The following MYO3A variants were observed in gnomAD, a reference collection of about 807,000 sequenced individuals.
The protein encoded by MYO3A is myosin IIIA, also known as myosin-IIIa.
A neutral mutation model predicts 192.7 loss-of-function variants in MYO3A; 180 were observed. The ratio of observed to expected loss-of-function variants is 0.93; its 90% CI spans 0.83 to 1.06. The LOEUF is 1.06. MYO3A is among the 50% of genes least tolerant of loss of function. The probability of loss-of-function intolerance (pLI) is 0.00; values close to 1 mark genes in which losing one functional copy is unlikely to be tolerated. For missense variants in MYO3A, 1,896 were observed against 1,905.0 expected, an observed-to-expected ratio of 1.00 and a Z score of 0.09; for synonymous variants, 628 against 645.3, an observed-to-expected ratio of 0.97 and a Z score of 0.41.
At chr10:26,003,469 C>T (rs968618324) in intron 6 of MYO3A, among the ~76,000 whole-genome samples, 5 of 152,084 alleles carry the variant, frequency 3.3e-5, no homozygotes, top group African/African-American at 7.2e-5. Context: ...ATTATGAATA[C>T]GGCCTTTAAG....
At chr10:26,169,564 G>C (rs1030687134) in intron 28 of MYO3A, among the ~76,000 whole-genome samples, 2 of 152,112 alleles carry the variant, frequency 1.3e-5, no homozygotes, top group Non-Finnish European at 2.9e-5. Flanking sequence ...TTAGATGCTA[G>C]ATTTGGCCTA....
intron 23 of MYO3A, among the ~76,000 whole-genome samples, chr10:26,148,134 T>A (rs1381717399): frequency 6.6e-6 from 1 of 152,218 alleles, no homozygotes; most frequent in African/African-American, 2.4e-5. Context: ...TTGACATATA[T>A]AAGCACCTGT....
chr10:26,126,522 G>A (rs965567480), intron 19 of MYO3A, among the ~76,000 whole-genome samples: 1 of 151,950 alleles, frequency 6.6e-6, no homozygotes, highest in Non-Finnish European at 1.5e-5. Flanking sequence ...AATTGCTTGT[G>A]TACCTCCTGG....
At chr10:25,943,472 T>C (rs1010724463) in intron 2 of MYO3A, among the ~76,000 whole-genome samples, 2 of 152,152 alleles carry the variant, frequency 1.3e-5, no homozygotes, top group Non-Finnish European at 2.9e-5. Context: ...TTGGGAAATA[T>C]TGACATTTAA....
chr10:26,181,114 A>G (rs1842600247), intron 31 of MYO3A, among the ~76,000 whole-genome samples: 1 of 152,182 alleles, frequency 6.6e-6, no homozygotes, highest in South Asian at 2.1e-4. Flanking sequence ...GTCATTTACA[A>G]AAAGATACAT....
intron 4 of MYO3A, among the ~76,000 whole-genome samples, chr10:25,978,603 A>C (rs1839105537): frequency 6.6e-6 from 1 of 152,174 alleles, no homozygotes; most frequent in Non-Finnish European, 1.5e-5. Flanking sequence ...TATCAAATGA[A>C]GTCATATACC....
At position 26,143,453 on chromosome 10, in the gene MYO3A, A is replaced by G; in HGVS notation, c.2268A>G (p.Glu756=). 3 of 1,611,090 alleles carry G rather than the reference A, an allele frequency of 1.9e-6. No homozygotes were observed. Among genetic ancestry groups the G allele is most frequent in the Non-Finnish European group, 2.5e-6 (3 of 1,177,372 alleles). ...NQHVFAWEQN[E]YLNEDVDARV... ...TGGTTTTGTCTTTATTATAGAATGAATACCTAAATGAAGATGTGGATGCTA... is the reference window on the plus strand; with the variant it reads ...TGGTTTTGTCTTTATTATAGAATGAGTACCTAAATGAAGATGTGGATGCTA... Residue 756 remains glutamate (E), a synonymous_variant, in exon 21 of 35, where the codon GAA becomes GAG. Transcript: ENST00000642920.
chr10:26,161,442 G>A (rs1198741588), intron 26 of MYO3A, among the ~76,000 whole-genome samples: 1 of 152,122 alleles, frequency 6.6e-6, no homozygotes, highest in Non-Finnish European at 1.5e-5. Flanking sequence ...TTCCCACTAA[G>A]CACCTGTACA....
rs116843838 is a variant in MYO3A at position 26,124,623 on chromosome 10, A to G, written c.1904-775A>G. Among the ~76,000 whole-genome samples the G allele has an allele frequency of 2.4e-4, 37 of 152,320 alleles. No individual in the cohort carries two copies. In the East Asian group the frequency reaches 6.6e-3, roughly 27 times the overall value. ...CACAAGTGCTAAAAGTAAATGTAAA[A>G]TGTTCAAAATATTTTAAAAGGAGAA... On this transcript the variant is annotated intron_variant, in intron 18 of 34. Coordinates refer to ENST00000642920, the MANE Select transcript of MYO3A (RefSeq NM_017433.5).
intron 31 of MYO3A, among the ~76,000 whole-genome samples, chr10:26,179,252 C>A (rs919699226): frequency 2.6e-5 from 4 of 151,844 alleles, no homozygotes; most frequent in Middle Eastern, 3.2e-3. Flanking sequence ...GCGACCACCA[C>A]CATGCCCAGC....
intron 10 of MYO3A, among the ~76,000 whole-genome samples, chr10:26,062,690 C>G (rs1264191425): frequency 6.6e-6 from 1 of 151,858 alleles, no homozygotes; most frequent in East Asian, 1.9e-4. Flanking sequence ...AAATTGAGGA[C>G]TGTACACCTT....
In MYO3A at chr10:26,170,433, G is replaced by A; in HGVS notation, c.3292G>A (p.Val1098Ile). The part of the protein sequence containing the change: ...IIQSAARGHL[V>I]RKQRKEIVDM... ...TGTTTCAGCTGCAAGAGGACACCTTGTCAGGAAACAAAGAAAAGAAATTGT... is the reference window on the plus strand; with the variant it reads ...TGTTTCAGCTGCAAGAGGACACCTTATCAGGAAACAAAGAAAAGAAATTGT... Residue 1098 changes from valine (V) to isoleucine (I), a missense_variant, in exon 29 of 35, where the codon GTC becomes ATC. Coordinates refer to ENST00000642920, the MANE Select transcript of MYO3A (RefSeq NM_017433.5). 28 of 1,613,474 alleles carry A rather than the reference G, an allele frequency of 1.7e-5. No individual in the cohort carries two copies. Among genetic ancestry groups the A allele is most frequent in the Non-Finnish European group, 2.4e-5 (28 of 1,179,650 alleles).
intron 28 of MYO3A, among the ~76,000 whole-genome samples, chr10:26,169,168 C>CA (rs1310134971): frequency 1.3e-5 from 2 of 152,094 alleles, no homozygotes; most frequent in Non-Finnish European, 2.9e-5. Context: ...TCTCAAGAAT[C>CA]ATATTATTAT....
At chr10:26,141,685 T>C (rs1284903358) in intron 20 of MYO3A, among the ~76,000 whole-genome samples, 2 of 152,240 alleles carry the variant, frequency 1.3e-5, no homozygotes, top group Non-Finnish European at 1.5e-5. Flanking sequence ...AAAATAATTC[T>C]AGGTCTACTC....
chr10:26,151,479 G>T (rs564142980), intron 23 of MYO3A, among the ~76,000 whole-genome samples: 1 of 152,186 alleles, frequency 6.6e-6, no homozygotes, highest in African/African-American at 2.4e-5. Context: ...TTAATATAGA[G>T]ACTCCAGCTT....
intron 6 of MYO3A, among the ~76,000 whole-genome samples, chr10:26,016,513 G>A (rs115320161): frequency 0.015 from 2,288 of 152,244 alleles, 72 homozygotes; most frequent in African/African-American, 0.052. Context: ...TTACAATGTA[G>A]AAGATAGAAA....
intron 10 of MYO3A, among the ~76,000 whole-genome samples, chr10:26,050,352 G>A (rs1240607496): frequency 6.6e-6 from 1 of 152,090 alleles, no homozygotes; most frequent in Admixed American, 6.6e-5. Context: ...ATGATTCTTG[G>A]AAAAGGTAAA....
intron 17 of MYO3A, among the ~76,000 whole-genome samples, chr10:26,119,722 A>G (rs532352439): frequency 6.6e-6 from 1 of 152,066 alleles, no homozygotes; most frequent in Non-Finnish European, 1.5e-5. Flanking sequence ...ATTACCATAG[A>G]CTCCTTGATA....
At chr10:26,072,831 T>G (rs551130388) in intron 14 of MYO3A, among the ~76,000 whole-genome samples, 25 of 152,194 alleles carry the variant, frequency 1.6e-4, no homozygotes, top group Non-Finnish European at 3.4e-4. Flanking sequence ...AAGCTCCACT[T>G]ACCATACAAC....
Sources: allele counts gnomAD v4.1 joint callset (sites outside exome capture counted in the v4.1 genomes callset), GRCh38; gene constraint gnomAD v4.1.1; transcripts MANE v1.5; gene names NCBI Gene and HGNC (gene_info 2026-07-23, HGNC 2026-07-21).